The following ROBO1 variants were observed in gnomAD, a reference collection of about 807,000 sequenced individuals.
ROBO1 encodes roundabout guidance receptor 1.
Under a neutral mutation model 195.9 loss-of-function variants are expected in ROBO1, and 149 were observed. The ratio of observed to expected loss-of-function variants is 0.76; its 90% CI spans 0.67 to 0.87. The LOEUF (loss-of-function observed/expected upper bound fraction) is 0.87, where lower values mean the gene tolerates loss of function less well. ROBO1 is among the 40% of genes least tolerant of loss of function. ROBO1 has a pLI of 0.00. For missense variants in ROBO1, 1,933 were observed against 2,068.3 expected (o/e 0.93, Z 1.27); for synonymous variants, 816 against 733.2 (o/e 1.11, Z -1.82).
chr3:79,035,325 G>A (rs1047132785), intron 3 of ROBO1, among the ~76,000 whole-genome samples: 1 of 152,118 alleles, frequency 6.6e-6, no homozygotes, highest in African/African-American at 2.4e-5. Context: ...AACTCCCTCA[G>A]GTAGGTCTGT....
intron 8 of ROBO1, among the ~76,000 whole-genome samples, chr3:78,696,913 T>C (rs941443596): frequency 3.3e-5 from 5 of 151,870 alleles, no homozygotes; most frequent in Non-Finnish European, 7.4e-5. Flanking sequence ...GGCAATCATT[T>C]TTAAGGGTAA....
chr3:79,097,040 A>G (rs2079583628), intron 3 of ROBO1, among the ~76,000 whole-genome samples: 1 of 151,798 alleles, frequency 6.6e-6, no homozygotes, highest in South Asian at 2.1e-4. Context: ...ATTTCTCATT[A>G]TTAGCCTTAA....
chr3:78,690,991 T>C (rs79936956), intron 8 of ROBO1, among the ~76,000 whole-genome samples: 2,788 of 152,228 alleles, frequency 0.018, 81 homozygotes, highest in African/African-American at 0.063. Flanking sequence ...CACAGGATAT[T>C]TGCCTGGAAA....
chr3:79,535,998 T>C (rs1941846281), intron 2 of ROBO1, among the ~76,000 whole-genome samples: 1 of 152,128 alleles, frequency 6.6e-6, no homozygotes, highest in Non-Finnish European at 1.5e-5. Flanking sequence ...GATCTATGCC[T>C]GGATCTTCCT....
intron 4 of ROBO1, among the ~76,000 whole-genome samples, chr3:78,905,879 G>A (rs561547449): frequency 2.8e-4 from 43 of 152,124 alleles, no homozygotes; most frequent in Non-Finnish European, 3.4e-4. Context: ...ATTAAGTGGC[G>A]GGGGCAGGAT....
chr3:79,309,630 T>A (rs938965697), intron 2 of ROBO1, among the ~76,000 whole-genome samples: 2 of 151,936 alleles, frequency 1.3e-5, no homozygotes, highest in African/African-American at 2.4e-5. Context: ...AATAAATAAA[T>A]AAAAATAAAT....
chr3:78,874,814 T>C (rs574407505), intron 4 of ROBO1, among the ~76,000 whole-genome samples: 9 of 152,092 alleles, frequency 5.9e-5, no homozygotes, highest in African/African-American at 2.2e-4. Context: ...AAATTATTTA[T>C]GTTGTCAAAA....
intron 1 of ROBO1, among the ~76,000 whole-genome samples, chr3:79,722,026 T>C (rs768618357): frequency 1.5e-4 from 23 of 152,304 alleles, no homozygotes; most frequent in Middle Eastern, 6.8e-3. Context: ...TTGCAAAACA[T>C]TATTTTTCAA....
In ROBO1 at chr3:79,441,550, T is replaced by C. The variant is rs2039054566; in HGVS notation, c.88+148274A>G. On this transcript the variant is annotated intron_variant, in intron 2 of 30. Transcript: ENST00000464233. ...AGCTTGAATAGATCTGTTTTATACA[T>C]TTTTTACAGCGAGAAAATAGAATAA... Among the ~76,000 whole-genome samples the C allele has an allele frequency of 2.6e-5, 4 of 152,212 alleles. No individual in the cohort carries two copies. In the South Asian group the frequency reaches 6.2e-4, roughly 24 times the overall value.
At chr3:79,011,078 A>G (rs1483141525) in intron 3 of ROBO1, among the ~76,000 whole-genome samples, 1 of 152,178 alleles carries the variant, frequency 6.6e-6, no homozygotes, top group Non-Finnish European at 1.5e-5. Flanking sequence ...CGGTCTGGAT[A>G]TACTGAAATT....
intron 2 of ROBO1, among the ~76,000 whole-genome samples, chr3:79,329,859 T>C (rs1371566408): frequency 3.9e-5 from 6 of 152,130 alleles, no homozygotes; most frequent in Admixed American, 3.3e-4. Flanking sequence ...TTAATTCTAT[T>C]TTACCTATTA....
At chr3:78,997,129 T>C (rs148721656) in intron 3 of ROBO1, among the ~76,000 whole-genome samples, 178 of 152,262 alleles carry the variant, frequency 1.2e-3, no homozygotes, top group Admixed American at 4.4e-3. Context: ...AACTATCTGA[T>C]CCAAAATGTG....
intron 3 of ROBO1, among the ~76,000 whole-genome samples, chr3:79,095,037 C>T (rs1161349869): frequency 6.6e-6 from 1 of 151,530 alleles, no homozygotes; most frequent in Non-Finnish European, 1.5e-5. Flanking sequence ...CTGAGGTATT[C>T]AATGGAGAAT....
At chr3:78,633,700 G>A (rs1705315860) in intron 24 of ROBO1, among the ~76,000 whole-genome samples, 1 of 152,136 alleles carries the variant, frequency 6.6e-6, no homozygotes, top group African/African-American at 2.4e-5. Context: ...CTTTGCTAAA[G>A]CTCATTAACA....
chr3:78,628,211 C>A (rs1051833400), intron 25 of ROBO1, among the ~76,000 whole-genome samples: 2 of 152,188 alleles, frequency 1.3e-5, no homozygotes, highest in Middle Eastern at 3.2e-3. Context: ...GCCTCAGCCT[C>A]CCAAAGTGCT....
chr3:78,646,356 CTT>C (rs913216044), intron 20 of ROBO1, among the ~76,000 whole-genome samples, 166 bp from the exon 21 acceptor site: 8 of 150,854 alleles, frequency 5.3e-5, no homozygotes, highest in African/African-American at 1.9e-4. Context: ...AGTGACATTT[CTT>C]TAAATATTGT....
intron 3 of ROBO1, among the ~76,000 whole-genome samples, chr3:78,979,688 C>G (rs58703629): frequency 0.012 from 1,776 of 152,140 alleles, 41 homozygotes; most frequent in African/African-American, 0.038. Context: ...TGAAATCTGT[C>G]CCCAGAGTGC....
chr3:79,016,137 C>T (rs1401645552), intron 3 of ROBO1, among the ~76,000 whole-genome samples: 1 of 152,098 alleles, frequency 6.6e-6, no homozygotes, highest in African/African-American at 2.4e-5. Context: ...TTCAACACAC[C>T]CAGGTTTCTA....
At chr3:79,059,223 T>C (rs773424726) in intron 3 of ROBO1, among the ~76,000 whole-genome samples, 10 of 152,084 alleles carry the variant, frequency 6.6e-5, no homozygotes, top group Non-Finnish European at 8.8e-5. Context: ...TAATTTATCA[T>C]TGGACATAAC....
Sources: gnomAD v4.1 joint callset for allele counts (sites outside exome capture counted in the v4.1 genomes callset) on GRCh38, gnomAD v4.1.1 for gene constraint, MANE v1.5 for transcripts, NCBI Gene and HGNC (gene_info 2026-07-23, HGNC 2026-07-21) for gene names.